The following CNTNAP2 variants were observed in gnomAD, a reference collection of about 807,000 sequenced individuals.
The protein encoded by CNTNAP2 is contactin-associated protein-like 2.
A neutral mutation model predicts 155.2 loss-of-function variants in CNTNAP2; 98 were observed. That is an observed-to-expected ratio of 0.63 (90% CI 0.54 to 0.75). The LOEUF (loss-of-function observed/expected upper bound fraction) is 0.75. Ranked by LOEUF, CNTNAP2 falls within the 30% of genes least tolerant of loss-of-function variation. The probability of loss-of-function intolerance (pLI) is 0.00; values close to 1 mark genes in which losing one functional copy is unlikely to be tolerated. For missense variants in CNTNAP2, 1,727 were observed against 1,688.1 expected (o/e 1.02, Z -0.40); for synonymous variants, 651 against 631.2 (o/e 1.03, Z -0.47).
intron 13 of CNTNAP2, among the ~76,000 whole-genome samples, chr7:147,812,767 G>A (rs559970855): frequency 2.6e-5 from 4 of 152,200 alleles, no homozygotes; most frequent in Admixed American, 6.5e-5. Context: ...TTGTTTCATC[G>A]GAGAATTTTG....
intron 9 of CNTNAP2, among the ~76,000 whole-genome samples, chr7:147,350,928 C>G (rs1462868210): frequency 6.6e-6 from 1 of 151,614 alleles, no homozygotes; most frequent in Admixed American, 6.6e-5. Context: ...CTTTAGAAAA[C>G]CCTCCACAAA....
intron 20 of CNTNAP2, among the ~76,000 whole-genome samples, chr7:148,235,604 G>T (rs572565418): frequency 6.6e-6 from 1 of 152,016 alleles, no homozygotes; most frequent in African/African-American, 2.4e-5. Flanking sequence ...CCTCTGGGAG[G>T]CTCTTCCTTG....
chr7:146,622,056 G>A (rs1799326882), intron 1 of CNTNAP2, among the ~76,000 whole-genome samples: 1 of 151,814 alleles, frequency 6.6e-6, no homozygotes, highest in Non-Finnish European at 1.5e-5. Context: ...TGACACACCT[G>A]CATCACTACA....
intron 13 of CNTNAP2, among the ~76,000 whole-genome samples, chr7:147,712,782 A>G (rs1443579353): frequency 6.6e-6 from 1 of 152,218 alleles, no homozygotes. Flanking sequence ...ATTAGGAGAT[A>G]TACCTAATGT....
intron 3 of CNTNAP2, among the ~76,000 whole-genome samples, chr7:146,990,474 A>G (rs1398452644): frequency 6.6e-6 from 1 of 152,072 alleles, no homozygotes; most frequent in Non-Finnish European, 1.5e-5. Flanking sequence ...CTTGTTTACC[A>G]CTAAAAATAG....
rs373773258 is a variant in CNTNAP2 at position 147,023,174 on chromosome 7, C to T, written c.403-20733C>T. 1.2e-4 allele frequency among the ~76,000 whole-genome samples: 19 copies of T among 152,150 alleles called. No homozygotes were observed. The South Asian group carries it at 3.3e-3, about 27-fold the overall frequency. On this transcript the variant is annotated intron_variant, in intron 3 of 23. Transcript: ENST00000361727. The stretch of plus-strand genomic sequence containing the variant: ...AAGAGGAAGAAGCCTGAGATGAACA[C>T]GGGCACGGCAACTGATAGCTTCATC...
intron 18 of CNTNAP2, among the ~76,000 whole-genome samples, chr7:148,210,768 G>A (rs1482928411): frequency 1.3e-5 from 2 of 152,204 alleles, no homozygotes; most frequent in Non-Finnish European, 2.9e-5. Context: ...AGAGGTGAAC[G>A]TTAACCCATC....
At chr7:146,129,677 T>TACTAA in intron 1 of CNTNAP2, among the ~76,000 whole-genome samples, 1 of 152,340 alleles carries the variant, frequency 6.6e-6, no homozygotes, top group South Asian at 2.1e-4. Flanking sequence ...TTTTCTACAT[T>TACTAA]TTAGTTTAAA....
intron 8 of CNTNAP2, among the ~76,000 whole-genome samples, chr7:147,271,875 A>G (rs2116706096): frequency 6.6e-6 from 1 of 152,246 alleles, no homozygotes; most frequent in African/African-American, 2.4e-5. Context: ...TCAAATCTCT[A>G]GTAATTTGAA....
At chr7:147,972,402 A>G (rs1474338695) in intron 14 of CNTNAP2, among the ~76,000 whole-genome samples, 2 of 152,176 alleles carry the variant, frequency 1.3e-5, no homozygotes, top group Admixed American at 6.5e-5. Context: ...AAAACTGGGG[A>G]TGTTTATTTT....
chr7:146,223,171 T>A (rs1799236032), intron 1 of CNTNAP2, among the ~76,000 whole-genome samples: 1 of 152,162 alleles, frequency 6.6e-6, no homozygotes, highest in Admixed American at 6.6e-5. Flanking sequence ...AGAAAGTGCT[T>A]TGTTCTTGTC....
chr7:147,674,629 C>T (rs1379788044), intron 13 of CNTNAP2, among the ~76,000 whole-genome samples: 2 of 152,000 alleles, frequency 1.3e-5, no homozygotes, highest in African/African-American at 4.8e-5. Flanking sequence ...TATTTCACTT[C>T]GTTGTTTAAA....
At chr7:146,551,524 A>C (rs1221115260) in intron 1 of CNTNAP2, among the ~76,000 whole-genome samples, 1 of 151,908 alleles carries the variant, frequency 6.6e-6, no homozygotes, top group African/African-American at 2.4e-5. Context: ...ACATTTTCTT[A>C]ATCCAGTCTA....
chr7:147,148,046 CATT>C, intron 8 of CNTNAP2, among the ~76,000 whole-genome samples: 1 of 152,192 alleles, frequency 6.6e-6, no homozygotes, highest in Non-Finnish European at 1.5e-5. Flanking sequence ...ATACATAAAA[CATT>C]ATAGATTAGA....
At chr7:146,440,094 C>T (rs1287636560) in intron 1 of CNTNAP2, among the ~76,000 whole-genome samples, 2 of 151,452 alleles carry the variant, frequency 1.3e-5, no homozygotes, top group Non-Finnish European at 2.9e-5. Context: ...ACTGCACTGC[C>T]CTGTGGGCAA....
intron 1 of CNTNAP2, among the ~76,000 whole-genome samples, chr7:146,735,812 G>T (rs1238898216): frequency 7.1e-6 from 1 of 141,802 alleles, no homozygotes; most frequent in Admixed American, 6.8e-5. Flanking sequence ...TAGCTAGAGA[G>T]CGGGAATAAC....
At chr7:148,106,343 T>C (rs1804216698) in intron 15 of CNTNAP2, among the ~76,000 whole-genome samples, 1 of 151,700 alleles carries the variant, frequency 6.6e-6, no homozygotes, top group Admixed American at 6.6e-5. Context: ...AACATATGAT[T>C]AGTACTTGAA....
intron 13 of CNTNAP2, among the ~76,000 whole-genome samples, chr7:147,699,190 G>T (rs182336685): frequency 1.0e-3 from 153 of 150,394 alleles, no homozygotes; most frequent in Middle Eastern, 3.4e-3. Flanking sequence ...TAAGCAAGCT[G>T]AACGGGTTGG....
rs144238949 is a variant in CNTNAP2 at position 147,932,778 on chromosome 7, T to C, written c.2255+29057T>C. Reference sequence around the variant, plus strand: ...CAATCAATACAGTGAAAAGGCAACCTGTAGAATGAGACAAAATATTTGCAA... The same window carrying C: ...CAATCAATACAGTGAAAAGGCAACCCGTAGAATGAGACAAAATATTTGCAA... On this transcript the variant is annotated intron_variant, in intron 14 of 23. Transcript: ENST00000361727. 1.2e-4 allele frequency among the ~76,000 whole-genome samples: 18 copies of C among 152,280 alleles called. No individual in the cohort carries two copies. The East Asian group carries it at 2.7e-3, about 23-fold the overall frequency.
Sources: allele counts gnomAD v4.1 joint callset (sites outside exome capture counted in the v4.1 genomes callset), GRCh38; gene constraint gnomAD v4.1.1; transcripts MANE v1.5; gene names NCBI Gene and HGNC (gene_info 2026-07-23, HGNC 2026-07-21).